The following NEBL variants were observed in gnomAD, a reference collection of about 807,000 sequenced individuals.
The protein encoded by NEBL is nebulette, also known as LIM and SH3 protein 2.
A neutral mutation model predicts 140.2 loss-of-function variants in NEBL; 122 were observed. The observed-to-expected ratio is 0.87, with a 90% CI of 0.75 to 1.01. NEBL has a LOEUF of 1.01. NEBL is among the 50% of genes least tolerant of loss of function. NEBL has a pLI of 0.00. For synonymous variants in NEBL, 436 were observed against 398.9 expected, an observed-to-expected ratio of 1.09 and a Z score of -1.11; for missense variants, 1,365 against 1,231.3, an observed-to-expected ratio of 1.11 and a Z score of -1.62.
intron 2 of NEBL, among the ~76,000 whole-genome samples, chr10:21,111,229 A>G (rs961271661): frequency 1.3e-5 from 2 of 152,204 alleles, no homozygotes; most frequent in African/African-American, 2.4e-5. Flanking sequence ...TCTTCACAGA[A>G]TTGGAAAAAA....
rs567126914 is a variant in NEBL, at chr10:21,107,901, G to A, written c.164+64482C>T. 2.0e-5 allele frequency among the ~76,000 whole-genome samples: 3 copies of A among 152,266 alleles called. No homozygotes were observed. The East Asian group carries it at 5.8e-4, about 29-fold the overall frequency. On this transcript the variant is annotated intron_variant, in intron 2 of 6. Coordinates refer to the NEBL transcript ENST00000417816. ...TTCTCCCTGGTTTAGTCTTGGGAGGGTGTATGTGTCCAGGAATTTATCCAT... is the reference window on the plus strand; with the variant it reads ...TTCTCCCTGGTTTAGTCTTGGGAGGATGTATGTGTCCAGGAATTTATCCAT...
intron 2 of NEBL, among the ~76,000 whole-genome samples, chr10:21,096,097 C>G (rs1398931022): frequency 6.6e-6 from 1 of 152,252 alleles, no homozygotes; most frequent in African/African-American, 2.4e-5. Context: ...CATTTATTTT[C>G]CCCTAAAGAG....
At chr10:21,234,048 T>TAGATAGATA (rs1246442520) in intron 3 of NEBL, among the ~76,000 whole-genome samples, 2 of 150,118 alleles carry the variant, frequency 1.3e-5, no homozygotes, top group East Asian at 1.9e-4. Flanking sequence ...GATAGATAGA[T>TAGATAGATA]ATCTCCAAGA....
intron 13 of NEBL, among the ~76,000 whole-genome samples, chr10:20,835,866 G>A (rs1157844102): frequency 1.3e-5 from 2 of 152,190 alleles, no homozygotes; most frequent in Non-Finnish European, 2.9e-5. Flanking sequence ...ATTGCCATGT[G>A]AAAATCTTCA....
At chr10:21,062,602 G>T (rs961867845) in intron 2 of NEBL, among the ~76,000 whole-genome samples, 3 of 152,008 alleles carry the variant, frequency 2.0e-5, no homozygotes, top group African/African-American at 7.3e-5. Flanking sequence ...CAGGAGGATC[G>T]CTTGAGCCCA....
In NEBL at chr10:20,940,990, C is replaced by T. The variant is rs555455783; in HGVS notation, c.357+20682G>A. Among the ~76,000 whole-genome samples, 8 of 152,220 alleles carry T rather than the reference C, an allele frequency of 5.3e-5. No individual in the cohort carries two copies. The East Asian group carries it at 5.8e-4, about 11-fold the overall frequency. The stretch of plus-strand genomic sequence containing the variant: ...GTCCAGGACCAGATGGATTCACAGC[C>T]GAATTCTACCAGAGGTACAAGAAGG... On this transcript the variant is annotated intron_variant, in intron 4 of 6. Coordinates refer to the NEBL transcript ENST00000417816.
chr10:21,063,402 C>T (rs115434294), intron 2 of NEBL, among the ~76,000 whole-genome samples: 1 of 152,210 alleles, frequency 6.6e-6, no homozygotes, highest in African/African-American at 2.4e-5. Flanking sequence ...CACGAGATGC[C>T]TACTATTTGA....
At chr10:20,918,515 G>C (rs898935088) in intron 4 of NEBL, among the ~76,000 whole-genome samples, 7 of 152,080 alleles carry the variant, frequency 4.6e-5, no homozygotes, top group Admixed American at 2.6e-4. Flanking sequence ...AATATACTTA[G>C]AGCACTTGAA....
Position 21,078,610 on chromosome 10 carries a change from T to G in NEBL, c.165-58409A>C, listed in dbSNP as rs190215740. 3.9e-4 allele frequency among the ~76,000 whole-genome samples: 59 copies of G among 152,302 alleles called. No individual in the cohort carries two copies. In the Middle Eastern group the frequency reaches 0.01, roughly 26 times the overall value. ...ACCTGTATACACGTATGCAGAGGTATCTACTCCTATGACCTGCTCATTTGA... is the reference window on the plus strand; with the variant it reads ...ACCTGTATACACGTATGCAGAGGTAGCTACTCCTATGACCTGCTCATTTGA... On this transcript the variant is annotated intron_variant, in intron 2 of 6. Coordinates refer to the NEBL transcript ENST00000417816.
intron 3 of NEBL, among the ~76,000 whole-genome samples, chr10:21,233,740 GAT>G (rs1433587925): frequency 7.7e-6 from 1 of 130,648 alleles, no homozygotes. Flanking sequence ...TACATATATA[GAT>G]ATATATTACA....
At chr10:20,824,603 G>A (rs748533298) in intron 18 of NEBL, among the ~76,000 whole-genome samples, 1 of 152,102 alleles carries the variant, frequency 6.6e-6, no homozygotes, top group African/African-American at 2.4e-5. Flanking sequence ...TCTTAAAAGG[G>A]CAACTTTCCA....
intron 13 of NEBL, among the ~76,000 whole-genome samples, chr10:20,836,100 T>C (rs918907359): frequency 6.6e-6 from 1 of 152,084 alleles, no homozygotes; most frequent in African/African-American, 2.4e-5. Flanking sequence ...AACTGAAGGT[T>C]TGTGGCAACT....
chr10:21,075,227 G>A (rs1836010447), intron 2 of NEBL, among the ~76,000 whole-genome samples: 1 of 152,192 alleles, frequency 6.6e-6, no homozygotes, highest in East Asian at 1.9e-4. Flanking sequence ...AATATTTTGT[G>A]CTACAAACCC....
At chr10:21,039,992 C>G (rs1266579533) in intron 2 of NEBL, among the ~76,000 whole-genome samples, 1 of 152,178 alleles carries the variant, frequency 6.6e-6, no homozygotes, top group Non-Finnish European at 1.5e-5. Context: ...TAGGATTACA[C>G]AGCCAGAGAA....
chr10:20,915,968 T>C (rs1464201532), intron 4 of NEBL, among the ~76,000 whole-genome samples: 1 of 152,274 alleles, frequency 6.6e-6, no homozygotes, highest in Non-Finnish European at 1.5e-5. Context: ...CCAAATGTTG[T>C]CATAACCTTA....
chr10:21,025,736 A>C (rs1317536678), intron 2 of NEBL, among the ~76,000 whole-genome samples: 1 of 152,126 alleles, frequency 6.6e-6, no homozygotes, highest in African/African-American at 2.4e-5. Context: ...TCTACCTTCC[A>C]TCTGTGTGCC....
chr10:21,024,616 A>G (rs932521042), intron 2 of NEBL, among the ~76,000 whole-genome samples: 1 of 152,166 alleles, frequency 6.6e-6, no homozygotes, highest in African/African-American at 2.4e-5. Context: ...ATGGCAACTC[A>G]TACTGCCTTA....
At chr10:20,792,347 C>A in intron 26 of NEBL, among the ~76,000 whole-genome samples, 1 of 152,112 alleles carries the variant, frequency 6.6e-6, no homozygotes, top group East Asian at 1.9e-4. Flanking sequence ...ACTGTTTTAT[C>A]AGCTAATGTA....
intron 2 of NEBL, among the ~76,000 whole-genome samples, chr10:21,154,313 G>T (rs1340996466): frequency 6.6e-6 from 1 of 151,926 alleles, no homozygotes; most frequent in African/African-American, 2.4e-5. Context: ...ACAAAAATTA[G>T]CCAAGCATGG....
Sources: allele counts gnomAD v4.1 joint callset (sites outside exome capture counted in the v4.1 genomes callset), GRCh38; gene constraint gnomAD v4.1.1; transcripts MANE v1.5; gene names NCBI Gene and HGNC (gene_info 2026-07-23, HGNC 2026-07-21).